SMYD3: variants seen among roughly 807,000 people sequenced by gnomAD.
The protein encoded by SMYD3 is histone-lysine N-methyltransferase SMYD3.
A neutral mutation model predicts 57.7 loss-of-function variants in SMYD3; 36 were observed. That is an observed-to-expected ratio of 0.62 (90% CI 0.48 to 0.82). The LOEUF (loss-of-function observed/expected upper bound fraction) is 0.82, where lower values mean the gene tolerates loss of function less well. Ranked by LOEUF, SMYD3 falls within the 40% of genes least tolerant of loss-of-function variation. SMYD3 has a pLI of 0.00. For missense variants in SMYD3, 515 were observed against 538.8 expected (o/e 0.96, Z 0.44); for synonymous variants, 211 against 195.0 (o/e 1.08, Z -0.68).
intron 5 of SMYD3, among the ~76,000 whole-genome samples, chr1:245,994,799 T>TA (rs11403779): frequency 0.14 from 19,995 of 146,234 alleles, 1,326 homozygotes; most frequent in South Asian, 0.23. Flanking sequence ...TGAAGAAACT[T>TA]AAAAAAAAAA....
rs1243068848 is a variant in SMYD3 at position 246,202,036 on chromosome 1, C to T, written c.531+125165G>A. 6.6e-6 allele frequency among the ~76,000 whole-genome samples: 1 copy of T among 151,124 alleles called. No individual in the cohort carries two copies. The highest frequency in any genetic ancestry group is 1.5e-5 in the Non-Finnish European group (1 of 67,842). On this transcript the variant is annotated intron_variant, in intron 5 of 11. Transcript: ENST00000490107. This position sits in a 1 kb window ranked among gnomAD's most constrained non-coding sequence, Gnocchi z 4.1. ...TTTAAAAAAAAAAAACAAAAAAAAG[C>T]CATTTTTAAATGATTTATACTGATA...
intron 5 of SMYD3, among the ~76,000 whole-genome samples, chr1:245,997,952 G>T (rs6694105): frequency 6.6e-6 from 1 of 151,608 alleles, no homozygotes; most frequent in East Asian, 1.9e-4. Flanking sequence ...TCTGGCAATT[G>T]CCAGACAAAC....
At chr1:246,266,568 T>A (rs2064112073) in intron 5 of SMYD3, among the ~76,000 whole-genome samples, 1 of 152,182 alleles carries the variant, frequency 6.6e-6, no homozygotes, top group Non-Finnish European at 1.5e-5. Context: ...TAAGTGATAA[T>A]CTTATTTAAG....
chr1:246,435,801 T>C (rs968911889), intron 1 of SMYD3, among the ~76,000 whole-genome samples: 23 of 151,650 alleles, frequency 1.5e-4, no homozygotes, highest in African/African-American at 5.1e-4. Flanking sequence ...ATTCCAAGAA[T>C]TCCAAGGAGA....
intron 5 of SMYD3, among the ~76,000 whole-genome samples, chr1:245,938,886 G>A (rs72768771): frequency 0.033 from 5,057 of 152,204 alleles, 222 homozygotes; most frequent in Admixed American, 0.11. Flanking sequence ...CAATTTGCAA[G>A]GAAGGTTCCC....
intron 5 of SMYD3, among the ~76,000 whole-genome samples, chr1:246,284,727 T>A (rs1471088028): frequency 6.6e-6 from 1 of 152,208 alleles, no homozygotes; most frequent in African/African-American, 2.4e-5. Context: ...CTAATTCTTT[T>A]ATTTTTCTTT....
intron 5 of SMYD3, among the ~76,000 whole-genome samples, chr1:246,083,623 A>G (rs1014965396): frequency 6.6e-6 from 1 of 152,190 alleles, no homozygotes; most frequent in African/African-American, 2.4e-5. Flanking sequence ...GTGGAGGGGC[A>G]GGCCACCCCT....
chr1:246,226,189 G>A (rs10924569), intron 5 of SMYD3, among the ~76,000 whole-genome samples: 40,588 of 152,042 alleles, frequency 0.27, 6,117 homozygotes, highest in East Asian at 0.58. Context: ...GCTGACAGAA[G>A]AAGAAGAGGA....
intron 5 of SMYD3, among the ~76,000 whole-genome samples, chr1:245,986,776 T>A (rs1052559012): frequency 4.6e-5 from 7 of 152,226 alleles, no homozygotes; most frequent in Non-Finnish European, 2.9e-5. Context: ...GAGAATATGC[T>A]AAGTGCATTG....
At chr1:245,911,298 C>A (rs2054958888) in intron 8 of SMYD3, among the ~76,000 whole-genome samples, 1 of 152,000 alleles carries the variant, frequency 6.6e-6, no homozygotes, top group African/African-American at 2.4e-5. Context: ...CTATGGACAA[C>A]AGTAAGGAGG....
intron 1 of SMYD3, among the ~76,000 whole-genome samples, chr1:246,402,908 T>C (rs2066795836): frequency 6.6e-6 from 1 of 152,164 alleles, no homozygotes; most frequent in African/African-American, 2.4e-5. Context: ...ATCATGAAAA[T>C]AAATTTTCAA....
chr1:246,311,575 G>A (rs564459380), intron 5 of SMYD3, among the ~76,000 whole-genome samples: 2 of 152,336 alleles, frequency 1.3e-5, no homozygotes, highest in Admixed American at 1.3e-4. Context: ...TAACTTACAG[G>A]TAGAAGCTCA....
At chr1:245,824,866 A>AC (rs942782302) in intron 10 of SMYD3, among the ~76,000 whole-genome samples, 11 of 151,320 alleles carry the variant, frequency 7.3e-5, no homozygotes, top group Non-Finnish European at 1.3e-4. Flanking sequence ...CAAAAAAAAA[A>AC]AAACAAAAAA....
rs535705465 is a variant in SMYD3, at chr1:246,232,114, A to G, written c.531+95087T>C. Among the ~76,000 whole-genome samples the G allele has an allele frequency of 2.4e-4, 36 of 151,754 alleles. No individual in the cohort carries two copies. The South Asian group carries it at 7.5e-3, about 32-fold the overall frequency. On this transcript the variant is annotated intron_variant, in intron 5 of 11. Transcript: ENST00000490107. Reference sequence around the variant, plus strand: ...AGAATACATACATTGAGATTCGGGAATAATTAGAATATTTATATTTGTAAT... The same window carrying G: ...AGAATACATACATTGAGATTCGGGAGTAATTAGAATATTTATATTTGTAAT...
intron 7 of SMYD3, among the ~76,000 whole-genome samples, chr1:245,921,128 G>C (rs1288422831): frequency 6.6e-6 from 1 of 152,140 alleles, no homozygotes; most frequent in Non-Finnish European, 1.5e-5. Flanking sequence ...AAAGACATGA[G>C]CAGACACATT....
intron 1 of SMYD3, among the ~76,000 whole-genome samples, chr1:246,417,039 T>C (rs940324931): frequency 6.6e-6 from 1 of 152,154 alleles, no homozygotes; most frequent in African/African-American, 2.4e-5. Context: ...CCCGAGAGAC[T>C]TCAACTGCAT....
chr1:245,787,036 GAAAAA>G (rs1003525482), intron 10 of SMYD3, among the ~76,000 whole-genome samples: 1 of 152,188 alleles, frequency 6.6e-6, no homozygotes, highest in African/African-American at 2.4e-5. Flanking sequence ...TTGCTAGCAG[GAAAAA>G]ATGCTGGCAA....
intron 1 of SMYD3, among the ~76,000 whole-genome samples, chr1:246,424,839 G>A (rs997319894): frequency 3.3e-5 from 5 of 152,104 alleles, no homozygotes; most frequent in African/African-American, 7.2e-5. Context: ...GAACCATTAT[G>A]TTTATCTTAT....
chr1:246,202,096 A>G lies in SMYD3; in HGVS notation c.531+125105T>C, dbSNP rs1448064545. Among the ~76,000 whole-genome samples the G allele has an allele frequency of 6.6e-6, 1 of 152,070 alleles. No individual in the cohort carries two copies. Among genetic ancestry groups the G allele is most frequent in the East Asian group, 1.9e-4 (1 of 5,202 alleles). The stretch of plus-strand genomic sequence containing the variant: ...AAAAACTGGAAATATGTACTGCAAA[A>G]TAATAATTATTATTTCTAGATGGTG... On this transcript the variant is annotated intron_variant, in intron 5 of 11. Coordinates refer to ENST00000490107, the MANE Select transcript of SMYD3 (RefSeq NM_001167740.2). The surrounding 1 kb of genome is among the most constrained non-coding windows in gnomAD (Gnocchi z 4.1).
Sources: gnomAD v4.1 joint callset for allele counts (sites outside exome capture counted in the v4.1 genomes callset) on GRCh38, gnomAD v4.1.1 for gene constraint, Gnocchi (gnomAD v3.1) non-coding constraint, MANE v1.5 for transcripts, NCBI Gene and HGNC (gene_info 2026-07-23, HGNC 2026-07-21) for gene names.